Variants in ADCY2 observed in about 807,000 individuals in gnomAD.
ADCY2 encodes adenylate cyclase 2.
ADCY2 carries 31 observed loss-of-function variants against 125.2 expected under a neutral mutation model. The ratio of observed to expected loss-of-function variants is 0.25; its 90% CI spans 0.19 to 0.33. The LOEUF is 0.33. ADCY2 is among the 10% of genes least tolerant of loss of function. The pLI is 1.00. For synonymous variants in ADCY2, 512 were observed against 548.4 expected (o/e 0.93, Z 0.93); for missense variants, 904 against 1,418.2 (o/e 0.64, Z 5.82).
intron 4 of ADCY2, among the ~76,000 whole-genome samples, chr5:7,659,025 C>T (rs1739438542): frequency 6.6e-6 from 1 of 152,164 alleles, no homozygotes; most frequent in African/African-American, 2.4e-5. Context: ...GTCAACTTAA[C>T]ACGTAAAATT....
At chr5:7,482,462 T>C (rs1742765215) in intron 2 of ADCY2, among the ~76,000 whole-genome samples, 1 of 152,178 alleles carries the variant, frequency 6.6e-6, no homozygotes, top group Non-Finnish European at 1.5e-5. Context: ...GTCTATTTCA[T>C]TATTGTTGCC....
intron 2 of ADCY2, among the ~76,000 whole-genome samples, chr5:7,467,441 A>G (rs577773827): frequency 2.0e-4 from 30 of 152,272 alleles, no homozygotes; most frequent in Admixed American, 7.2e-4. Flanking sequence ...CGCCGTGGAG[A>G]AGGGTCCCCA....
Position 7,552,406 on chromosome 5 carries a change from A to G in ADCY2, c.570+31507A>G, listed in dbSNP as rs1392663440. ...AGCCTCTCTGCACATGTCAGGACTA[A>G]GGAGAAGCTGTATTTCTTTATTGCA... is the stretch of plus-strand genomic sequence containing the variant. On this transcript the variant is annotated intron_variant, in intron 3 of 24. Transcript: ENST00000338316. Among the ~76,000 whole-genome samples, 3 of 152,208 alleles carry G rather than the reference A, an allele frequency of 2.0e-5. No homozygotes were observed. The East Asian group carries it at 5.8e-4, about 29-fold the overall frequency.
chr5:7,791,108 G>C (rs367766962), intron 20 of ADCY2, among the ~76,000 whole-genome samples: 8 of 152,196 alleles, frequency 5.3e-5, no homozygotes, highest in African/African-American at 1.9e-4. Flanking sequence ...TTCCTGAGCA[G>C]TTGTGAGGGA....
Position 7,822,952 on chromosome 5 carries a change from G to A in ADCY2, c.3123+2263G>A, listed in dbSNP as rs546279282. On this transcript the variant is annotated intron_variant, in intron 24 of 24. Transcript: ENST00000338316. ...GTGTCTCAGCTTAGCCAAGACATGCGAATAGCCTTGCCTCCTAAAATTGAC... is the reference window on the plus strand; with the variant it reads ...GTGTCTCAGCTTAGCCAAGACATGCAAATAGCCTTGCCTCCTAAAATTGAC... Among the ~76,000 whole-genome samples the A allele has an allele frequency of 1.2e-3, 177 of 152,266 alleles. 2 individuals are homozygous for A. Among genetic ancestry groups the A allele is most frequent in the South Asian group, 2.9e-3 (14 of 4,820 alleles).
At chr5:7,795,379 T>A (rs1744387589) in intron 20 of ADCY2, 1 of 152,238 alleles carries the variant, frequency 6.6e-6, no homozygotes, top group Non-Finnish European at 1.5e-5. Context: ...TTTTAGAGCC[T>A]GAATAAAGTG....
intron 2 of ADCY2, among the ~76,000 whole-genome samples, chr5:7,477,940 A>G (rs537607875): frequency 1.6e-4 from 24 of 152,160 alleles, no homozygotes; most frequent in Non-Finnish European, 8.8e-5. Flanking sequence ...ACAGCTGTGA[A>G]CCTAGGGGCA....
intron 2 of ADCY2, among the ~76,000 whole-genome samples, chr5:7,501,646 T>TCCCA (rs1301768718): frequency 7.4e-5 from 3 of 40,546 alleles, no homozygotes; most frequent in Admixed American, 4.2e-4. Context: ...GATTCCCCCC[T>TCCCA]CCCCCCCCCC....
intron 2 of ADCY2, among the ~76,000 whole-genome samples, chr5:7,470,205 A>T (rs995837571): frequency 6.6e-6 from 1 of 151,710 alleles, no homozygotes; most frequent in Non-Finnish European, 1.5e-5. Flanking sequence ...CACAACTGCT[A>T]GTGGTGTTAC....
rs750935010 is a variant in ADCY2 at position 7,816,962 on chromosome 5, G to A, written c.2980G>A (p.Asp994Asn). 9.3e-6 allele frequency: 15 copies of A among 1,613,980 alleles called. No individual in the cohort carries two copies. Among genetic ancestry groups the A allele is most frequent in the Middle Eastern group, 1.6e-4 (1 of 6,084 alleles). Reference protein sequence around the residue: ...LDAINKHSFNDFKLRVGINHG... With the variant: ...LDAINKHSFNNFKLRVGINHG... ...TGCCATCAACAAGCACTCCTTCAAC[G>A]ACTTCAAATTGCGAGTGGGTACGTT... The change falls in exon 23 of 25, where the codon GAC (aspartate) becomes AAC (asparagine). Residue 994 changes from aspartate to asparagine, a missense_variant. Asp to Asn is a conservative substitution (Grantham distance 23). This residue lies in a region of ADCY2 where 181 missense variants were observed against 381.6 expected (regional missense o/e 0.47). Coordinates refer to ENST00000338316, the MANE Select transcript of ADCY2 (RefSeq NM_020546.3).
At chr5:7,520,979 G>GGGTGTGTGT in intron 3 of ADCY2, 80 bp downstream of exon 3, 1 of 1,555,852 alleles carries the variant, frequency 6.4e-7, no homozygotes, top group Non-Finnish European at 8.7e-7. Flanking sequence ...GGCCCATTCA[G>GGGTGTGTGT]GGTGTGTGTA....
chr5:7,486,987 C>T (rs1276142772), intron 2 of ADCY2, among the ~76,000 whole-genome samples: 1 of 152,242 alleles, frequency 6.6e-6, no homozygotes, highest in Admixed American at 6.5e-5. Flanking sequence ...GGGGACCAGA[C>T]ACCATGCTAA....
chr5:7,752,020 A>C (rs1050452174), intron 15 of ADCY2, among the ~76,000 whole-genome samples: 2 of 152,230 alleles, frequency 1.3e-5, no homozygotes, highest in Non-Finnish European at 2.9e-5. Context: ...CGATATGGTC[A>C]CTGTCCTCAA....
intron 24 of ADCY2, chr5:7,826,514 T>A (rs964415343): frequency 8.5e-6 from 6 of 704,332 alleles, no homozygotes; most frequent in African/African-American, 1.8e-5. Flanking sequence ...TTCCAGTTTT[T>A]CACTATCCCA....
chr5:7,734,263 G>C (rs1189892966), intron 14 of ADCY2, among the ~76,000 whole-genome samples: 1 of 152,166 alleles, frequency 6.6e-6, no homozygotes, highest in Non-Finnish European at 1.5e-5. Context: ...TATTTACCCA[G>C]AGAGATAGCT....
At chr5:7,483,356 G>A (rs1351431419) in intron 2 of ADCY2, among the ~76,000 whole-genome samples, 1 of 151,844 alleles carries the variant, frequency 6.6e-6, no homozygotes, top group African/African-American at 2.4e-5. Flanking sequence ...GAATTTGCAG[G>A]TTAGGTAATC....
rs563259821 is a variant in ADCY2, at chr5:7,709,610, C to T, written c.1578+223C>T. ...CTAGCGTGATTTTGCATTATAGCTT[C>T]ATAACCCAAGACAGTGCTATTTACA... On this transcript the variant is annotated intron_variant, in intron 10 of 24. Coordinates refer to ENST00000338316, the MANE Select transcript of ADCY2 (RefSeq NM_020546.3). The surrounding 1 kb of genome is among the most constrained non-coding windows in gnomAD (Gnocchi z 4.4). Among the ~76,000 whole-genome samples, 1 of 152,326 alleles carries T rather than the reference C, an allele frequency of 6.6e-6. No homozygotes were observed. The highest frequency in any genetic ancestry group is 2.1e-4 in the South Asian group (1 of 4,816).
chr5:7,519,355 C>T (rs527646477), intron 2 of ADCY2, among the ~76,000 whole-genome samples: 30 of 152,322 alleles, frequency 2.0e-4, no homozygotes, highest in South Asian at 1.2e-3. Flanking sequence ...GATTGCACCA[C>T]GTCCTTCCAG....
chr5:7,545,023 G>C, intron 3 of ADCY2, among the ~76,000 whole-genome samples: 1 of 152,230 alleles, frequency 6.6e-6, no homozygotes, highest in Non-Finnish European at 1.5e-5. Context: ...GAGGTCTGCA[G>C]AGACCAGCGA....
Sources: allele counts gnomAD v4.1 joint callset (sites outside exome capture counted in the v4.1 genomes callset), GRCh38; gene constraint gnomAD v4.1.1; regional missense constraint gnomAD v4.1.1; non-coding constraint Gnocchi (gnomAD v3.1); transcripts MANE v1.5; gene names NCBI Gene and HGNC (gene_info 2026-07-23, HGNC 2026-07-21).